Variants in NR1H3 observed in about 807,000 individuals in gnomAD.
NR1H3 encodes the protein nuclear receptor subfamily 1 group H member 3.
In NR1H3, 19 loss-of-function variants were observed where a neutral mutation model predicts 48.1. That is an observed-to-expected ratio of 0.40 (90% confidence interval 0.28 to 0.58). The LOEUF is 0.58. Ranked by LOEUF, NR1H3 falls within the 20% of genes least tolerant of loss-of-function variation. The probability of loss-of-function intolerance (pLI) is 0.50; values close to 1 mark genes in which losing one functional copy is unlikely to be tolerated. For missense variants in NR1H3, 486 were observed against 595.9 expected (o/e 0.82, Z 1.92); for synonymous variants, 232 against 227.3 (o/e 1.02, Z -0.19).
chr11:47,259,272 C>G lies in NR1H3; in HGVS notation c.43+13C>G. On this transcript the variant is annotated intron_variant, in intron 2 of 9. Coordinates refer to ENST00000441012, the MANE Select transcript of NR1H3 (RefSeq NM_005693.4). ...GACATTCCTCCTGGTAAGCTTCATT[C>G]CATCCCTCTCCCCTGAGCCCAGACC... The G allele has an allele frequency of 6.2e-7, 1 of 1,614,148 alleles. No homozygotes were observed. The highest frequency in any genetic ancestry group is 8.5e-7 in the Non-Finnish European group (1 of 1,180,012).
chr11:47,248,960 G>C (rs1954366537), exon 1 of NR1H3: 1 of 1,527,860 alleles, frequency 6.5e-7, no homozygotes, highest in Non-Finnish European at 8.7e-7. Flanking sequence ...ATTGCGTGCA[G>C]GAGGGTCGTG....
Position 47,268,346 on chromosome 11 carries a change from C to T in NR1H3, c.1188C>T (p.His396=). ...CCCTGCATGCCTACGTCTCCATCCACCATCCCCATGTGAGTCTCCCCATGG... is the reference window on the plus strand; with the variant it reads ...CCCTGCATGCCTACGTCTCCATCCATCATCCCCATGTGAGTCTCCCCATGG... ...VEALHAYVSI[H]HPHDRLMFPR... Residue 396 remains histidine (H), a synonymous_variant, in exon 9 of 10, where the codon CAC becomes CAT. Transcript: ENST00000441012. 5 of 1,614,076 alleles carry T rather than the reference C, an allele frequency of 3.1e-6. No homozygotes were observed. Among genetic ancestry groups the T allele is most frequent in the Non-Finnish European group, 4.2e-6 (5 of 1,179,948 alleles).
chr11:47,250,926 G>A (rs536297999), intron 1 of NR1H3, among the ~76,000 whole-genome samples: 22 of 152,360 alleles, frequency 1.4e-4, no homozygotes, highest in Non-Finnish European at 2.4e-4. Flanking sequence ...TTGGGAGGCC[G>A]AGGCGGGTGG....
At chr11:47,261,201 C>G (rs1324521528) in intron 4 of NR1H3, 40 bp from the exon 5 acceptor site, 2 of 1,059,626 alleles carry the variant, frequency 1.9e-6, no homozygotes, top group African/African-American at 3.4e-5. Context: ...CCCATCCTTT[C>G]CCCATCTGCT....
At chr11:47,259,533 C>T in intron 2 of NR1H3, 1 of 1,499,872 alleles carries the variant, frequency 6.7e-7, no homozygotes, top group East Asian at 2.5e-5. Context: ...AGAGTTTTAT[C>T]TGATCTCTGA....
upstream of NR1H3, chr11:47,257,889 G>T: frequency 1.0e-6 from 1 of 985,230 alleles, no homozygotes; most frequent in Non-Finnish European, 1.2e-6. Flanking sequence ...GGGCGGGGGT[G>T]AGGAGGGGAG....
intron 7 of NR1H3, among the ~76,000 whole-genome samples, chr11:47,262,515 TTTG>T (rs1382800617): frequency 6.1e-5 from 9 of 146,804 alleles, no homozygotes; most frequent in African/African-American, 2.3e-4. Context: ...GTACTTTTTT[TTTG>T]TTTCATTTTT....
Position 47,260,667 on chromosome 11 carries a change from G to T in NR1H3, c.491G>T (p.Arg164Leu). The change falls in exon 4 of 10, where the codon CGG becomes CTG. Residue 164 changes from arginine to leucine, a missense_variant. Transcript: ENST00000441012. Reference protein sequence around the residue: ...RLRKCRQAGMREECVLSEEQI... With the variant: ...RLRKCRQAGMLEECVLSEEQI... ...CGCAAATGCCGTCAGGCTGGCATGCGGGAGGAGTGTGAGTTTCTGGGGCTG... is the reference window on the plus strand; with the variant it reads ...CGCAAATGCCGTCAGGCTGGCATGCTGGAGGAGTGTGAGTTTCTGGGGCTG... 6.3e-7 allele frequency: 1 copy of T among 1,596,878 alleles called. No individual in the cohort carries two copies.
chr11:47,264,082 G>C (rs1196992855), intron 7 of NR1H3, among the ~76,000 whole-genome samples: 1 of 152,210 alleles, frequency 6.6e-6, no homozygotes, highest in Non-Finnish European at 1.5e-5. Context: ...TGGGAGCTAC[G>C]CAGAAGGGGT....
At position 47,268,289 on chromosome 11, in the gene NR1H3, G is replaced by A. The variant is rs765149970; in HGVS notation, c.1131G>A (p.Gln377=). Residue 377 remains glutamine (Q), a synonymous_variant, in exon 9 of 10, where the codon CAG becomes CAA. Transcript: ENST00000441012. ...GGCCCAACGTGCAGGACCAGCTCCAGGTAGAGAGGCTGCAGCACACATATG... is the reference window on the plus strand; with the variant it reads ...GGCCCAACGTGCAGGACCAGCTCCAAGTAGAGAGGCTGCAGCACACATATG... The part of the protein sequence containing the change: ...ADRPNVQDQL[Q]VERLQHTYVE... 6.2e-6 allele frequency: 10 copies of A among 1,613,946 alleles called. No homozygotes were observed. The highest frequency in any genetic ancestry group is 6.8e-6 in the Non-Finnish European group (8 of 1,180,010).
intron 2 of NR1H3, 170 bp downstream of exon 2, chr11:47,259,429 G>T: frequency 6.4e-7 from 1 of 1,559,796 alleles, no homozygotes; most frequent in Non-Finnish European, 8.7e-7. Context: ...TGGTTCCAGT[G>T]CCTGGCCCTT....
At chr11:47,260,270 A>G in intron 3 of NR1H3, 139 bp from the exon 4 acceptor site, 1 of 1,211,404 alleles carries the variant, frequency 8.3e-7, no homozygotes, top group South Asian at 1.5e-5. Context: ...AATGAGGGCT[A>G]CTCTTCTCAT....
upstream of NR1H3, among the ~76,000 whole-genome samples, chr11:47,253,357 A>C (rs959384730): frequency 3.3e-5 from 5 of 152,216 alleles, no homozygotes; most frequent in African/African-American, 1.2e-4. Context: ...AATGCATGTA[A>C]AGATAAATGT....
At chr11:47,248,794 GT>G (rs775388584), upstream of NR1H3, 3 of 1,586,978 alleles carry the variant, frequency 1.9e-6, no homozygotes, top group African/African-American at 4.0e-5. Flanking sequence ...CGCCATCACC[GT>G]TGTAATCTAT....
chr11:47,262,165 G>A (rs1424529489), intron 7 of NR1H3, 147 bp downstream of exon 7: 5 of 619,070 alleles, frequency 8.1e-6, no homozygotes, highest in Non-Finnish European at 1.1e-5. Context: ...AGATCACCAG[G>A]TCAGTAGATC....
Position 47,268,736 on chromosome 11 carries a change from G to T in NR1H3, c.*40G>T, listed in dbSNP as rs1447451307. The T allele has an allele frequency of 1.9e-6, 3 of 1,602,976 alleles. No individual in the cohort carries two copies. Among genetic ancestry groups the T allele is most frequent in the Non-Finnish European group, 2.6e-6 (3 of 1,173,906 alleles). The stretch of plus-strand genomic sequence containing the variant: ...TATTTTCTGTTTTCTTGGCCGGATG[G>T]CTGAGGCCTGGTGGCTGCCTCCTAG... On this transcript the variant is annotated 3_prime_UTR_variant, in exon 10 of 10. Coordinates refer to ENST00000441012, the MANE Select transcript of NR1H3 (RefSeq NM_005693.4).
rs769526206 is a variant in NR1H3, at chr11:47,259,253, C to T, written c.37C>T (p.Pro13Ser). ...LWLGAPVPDIPPDSAVELWKP... is the reference protein window; with the variant it reads ...LWLGAPVPDISPDSAVELWKP... Reference sequence around the variant, plus strand: ...GCTGGGGGCCCCTGTGCCTGACATTCCTCCTGGTAAGCTTCATTCCATCCC... The same window carrying T: ...GCTGGGGGCCCCTGTGCCTGACATTTCTCCTGGTAAGCTTCATTCCATCCC... The change falls in exon 2 of 10, where the codon CCT becomes TCT. Residue 13 changes from proline to serine, a missense_variant. Coordinates refer to ENST00000441012, the MANE Select transcript of NR1H3 (RefSeq NM_005693.4). 153 of 1,614,056 alleles carry T rather than the reference C, an allele frequency of 9.5e-5. No individual in the cohort carries two copies. The highest frequency in any genetic ancestry group is 1.2e-4 in the Non-Finnish European group (145 of 1,180,034).
intron 7 of NR1H3, among the ~76,000 whole-genome samples, chr11:47,262,701 G>C (rs1956038893): frequency 6.6e-6 from 1 of 151,916 alleles, no homozygotes; most frequent in African/African-American, 2.4e-5. Context: ...AGTAGAGACA[G>C]GGTTTTACCA....
At chr11:47,267,788 C>T (rs1956919699) in intron 7 of NR1H3, 125 bp from the exon 8 acceptor site, 2 of 694,232 alleles carry the variant, frequency 2.9e-6, no homozygotes, top group East Asian at 2.7e-5. Context: ...GGATTACAGG[C>T]GTGAGCCACT....
Sources: gnomAD v4.1 joint callset for allele counts (sites outside exome capture counted in the v4.1 genomes callset) on GRCh38, gnomAD v4.1.1 for gene constraint, MANE v1.5 for transcripts, NCBI Gene and HGNC (gene_info 2026-07-23, HGNC 2026-07-21) for gene names.